The following DNAH1 variants were observed in gnomAD, a reference collection of about 807,000 sequenced individuals.
DNAH1 encodes the protein axonemal beta dynein heavy chain 1.
A neutral mutation model predicts 484.3 loss-of-function variants in DNAH1; 327 were observed. The ratio of observed to expected loss-of-function variants is 0.68; its 90% confidence interval spans 0.62 to 0.74. The LOEUF (loss-of-function observed/expected upper bound fraction) is 0.74, where lower values mean the gene tolerates loss of function less well. Among genes scored for constraint, DNAH1 ranks in the 30% least tolerant of loss-of-function variants. DNAH1 has a pLI of 0.00. For missense variants in DNAH1, 5,052 were observed against 5,546.8 expected (o/e 0.91, Z 2.83); for synonymous variants, 2,192 against 2,191.9 (o/e 1.00, Z 0.00).
rs951100284 is a variant in DNAH1, at chr3:52,397,800, G to A, written c.11881G>A (p.Glu3961Lys). ...DNANITFAQN[E>K]TFALLGTIIQ... is the part of the protein sequence containing the mutation. ...TGCCAACATCACCTTTGCCCAGAAC[G>A]AGACGTTCGCCCTCCTGGGCACCAT... is the stretch of plus-strand genomic sequence containing the variant. Residue 3961 changes from glutamate (E) to lysine (K), a missense_variant, in exon 74 of 78, where the codon GAG (glutamate) becomes AAG (lysine). Glu to Lys is a moderately conservative substitution (Grantham distance 56, BLOSUM62 1). Coordinates refer to ENST00000420323, the MANE Select transcript of DNAH1 (RefSeq NM_015512.5). 9 of 1,613,752 alleles carry A rather than the reference G, an allele frequency of 5.6e-6. No individual in the cohort carries two copies. The highest frequency in any genetic ancestry group is 2.2e-5 in the East Asian group (1 of 44,880).
At position 52,392,906 on chromosome 3, in the gene DNAH1, G is replaced by A. The variant is rs368444329; in HGVS notation, c.10355G>A (p.Arg3452His). ...TRMEYIPVAI[R>H]TQILFFCVSD... Reference sequence around the variant, plus strand: ...ATGGAGTACATACCCGTGGCCATCCGCACCCAGATCCTCTTCTTCTGTGTG... The same window carrying A: ...ATGGAGTACATACCCGTGGCCATCCACACCCAGATCCTCTTCTTCTGTGTG... Residue 3452 changes from arginine (R) to histidine (H), a missense_variant, in exon 65 of 78, where the codon CGC becomes CAC. By Grantham distance (29) the Arg-to-His change is conservative. This residue lies in a region of DNAH1 where 2,929 missense variants were observed against 3,409.4 expected (regional missense o/e 0.86). Coordinates refer to ENST00000420323, the MANE Select transcript of DNAH1 (RefSeq NM_015512.5). The A allele has an allele frequency of 2.6e-5, 42 of 1,610,966 alleles. No individual in the cohort carries two copies. Among genetic ancestry groups the A allele is most frequent in the Non-Finnish European group, 3.2e-5 (38 of 1,179,324 alleles).
At chr3:52,360,804 A>G (rs1702823233) in intron 28 of DNAH1, among the ~76,000 whole-genome samples, 1 of 152,200 alleles carries the variant, frequency 6.6e-6, no homozygotes, top group Non-Finnish European at 1.5e-5. Context: ...GAGAGACATC[A>G]TGGGTGAGCC....
chr3:52,392,588 C>A lies in DNAH1; in HGVS notation c.10177C>A (p.Gln3393Lys). 6.2e-7 allele frequency: 1 copy of A among 1,613,976 alleles called. No individual in the cohort carries two copies. Reference sequence around the variant, plus strand: ...CCAGGAGCTGAAGGACATTGAGGACCAGATCCTGTACCGGCTCAGCTCCTC... The same window carrying A: ...CCAGGAGCTGAAGGACATTGAGGACAAGATCCTGTACCGGCTCAGCTCCTC... ...MRQELKDIED[Q>K]ILYRLSSSEG... is the part of the protein sequence containing the mutation. The change falls in exon 64 of 78, where the codon CAG becomes AAG. Residue 3393 changes from glutamine (Q) to lysine (K), a missense_variant. Physicochemically the swap from Gln to Lys is moderately conservative, Grantham distance 53. This residue lies in a region of DNAH1 where 2,929 missense variants were observed against 3,409.4 expected (regional missense o/e 0.86). Transcript: ENST00000420323.
chr3:52,395,043 G>C lies in DNAH1; in HGVS notation c.10952G>C (p.Arg3651Pro). 1 of 1,609,496 alleles carries C rather than the reference G, an allele frequency of 6.2e-7. No individual in the cohort carries two copies. Among genetic ancestry groups the C allele is most frequent in the Non-Finnish European group, 8.5e-7 (1 of 1,177,944 alleles). ...QDFVATNLEP[R>P]FIEPQTANLS... The stretch of plus-strand genomic sequence containing the variant: ...TTTGTGGCCACCAACCTGGAGCCAC[G>C]CTTCATTGAACCCCAGGCAAGTGCT... Residue 3651 changes from arginine (R) to proline (P), a missense_variant, in exon 68 of 78, where the codon CGC (arginine) becomes CCC (proline). Arg to Pro is a moderately radical substitution (Grantham distance 103). Around this residue, in one of 4 missense-constraint regions of DNAH1, gnomAD observed 853 missense variants for 899.0 expected, o/e 0.95. Transcript: ENST00000420323. This position sits in a 1 kb window ranked among gnomAD's most constrained non-coding sequence, Gnocchi z 4.4.
At position 52,346,487 on chromosome 3, in the gene DNAH1, A is replaced by G. The variant is rs778780520; in HGVS notation, c.1672A>G (p.Lys558Glu). 2 of 1,611,138 alleles carry G rather than the reference A, an allele frequency of 1.2e-6. No individual in the cohort carries two copies. Among genetic ancestry groups the G allele is most frequent in the South Asian group, 2.2e-5 (2 of 90,616 alleles). ...GCCACTCTAGGTGCAGATGTTCCTCAAGGACAGCTGGATCAGCTCGCTAAA... is the reference window on the plus strand; with the variant it reads ...GCCACTCTAGGTGCAGATGTTCCTCGAGGACAGCTGGATCAGCTCGCTAAA... ...QTFSQVQMFL[K>E]DSWISSLKVA... is the part of the protein sequence containing the mutation. Residue 558 changes from lysine to glutamate, a missense_variant, in exon 11 of 78, where the codon AAG (lysine) becomes GAG (glutamate). By Grantham distance (56) the Lys-to-Glu change is moderately conservative. Coordinates refer to ENST00000420323, the MANE Select transcript of DNAH1 (RefSeq NM_015512.5).
chr3:52,313,850 G>A (rs773988832), upstream of DNAH1, among the ~76,000 whole-genome samples: 1 of 152,180 alleles, frequency 6.6e-6, no homozygotes, highest in Non-Finnish European at 1.5e-5. Context: ...TGACCCCACC[G>A]TGACACTGGG....
chr3:52,334,638 C>A (rs886120786), intron 8 of DNAH1, among the ~76,000 whole-genome samples: 11 of 151,726 alleles, frequency 7.2e-5, no homozygotes, highest in Non-Finnish European at 1.3e-4. Context: ...AAAAAAAATA[C>A]AAAAATTAGC....
upstream of DNAH1, among the ~76,000 whole-genome samples, chr3:52,314,372 G>A (rs1359830511): frequency 1.3e-5 from 2 of 152,210 alleles, no homozygotes; most frequent in African/African-American, 4.8e-5. Context: ...CTCCTGGAGC[G>A]CAGAGCCTCA....
At chr3:52,369,778 C>G (rs202124449) in intron 37 of DNAH1, 47 bp from the exon 38 acceptor site, 2 of 1,566,922 alleles carry the variant, frequency 1.3e-6, no homozygotes, top group Admixed American at 3.5e-5. Flanking sequence ...TTCTCCAGGC[C>G]TGAGGACTGG....
chr3:52,363,712 T>C (rs957946221), intron 32 of DNAH1, among the ~76,000 whole-genome samples: 1 of 152,208 alleles, frequency 6.6e-6, no homozygotes, highest in African/African-American at 2.4e-5. Flanking sequence ...ACTTAGTTTG[T>C]CTTCCATCAT....
At chr3:52,343,666 G>T (rs1334476242) in intron 8 of DNAH1, among the ~76,000 whole-genome samples, 2 of 152,180 alleles carry the variant, frequency 1.3e-5, no homozygotes, top group Admixed American at 1.3e-4. Context: ...AGATTCCCTT[G>T]TGGTGCCATT....
chr3:52,384,046 G>A lies in DNAH1; in HGVS notation c.8322+15G>A. 2 of 1,585,822 alleles carry A rather than the reference G, an allele frequency of 1.3e-6. No homozygotes were observed. Among genetic ancestry groups the A allele is most frequent in the Non-Finnish European group, 8.6e-7 (1 of 1,164,218 alleles). ...TCCAAGGACTGGTGGGTGTCTTGCT[G>A]AAGCTCAGGCCCTTGGGGAGACCTG... On this transcript the variant is annotated intron_variant, in intron 52 of 77. Transcript: ENST00000420323.
chr3:52,389,501 A>C lies in DNAH1; in HGVS notation c.9536A>C (p.Gln3179Pro), dbSNP rs1254282174. The C allele has an allele frequency of 6.2e-7, 1 of 1,603,270 alleles. No homozygotes were observed. Residue 3179 changes from glutamine (Q) to proline (P), a missense_variant, in exon 60 of 78, where the codon CAG (glutamine) becomes CCG (proline). Gln to Pro is a moderately conservative substitution (Grantham distance 76). Transcript: ENST00000420323. ...GTGCTCTACGACAGCTGGGTCAAGCAGCTCAGGAGCCACAATGTCCCACAC... is the reference window on the plus strand; with the variant it reads ...GTGCTCTACGACAGCTGGGTCAAGCCGCTCAGGAGCCACAATGTCCCACAC... ...RTVLYDSWVKQLRSHNVPHTS... is the reference protein window; with the variant it reads ...RTVLYDSWVKPLRSHNVPHTS...
chr3:52,395,160 G>T lies in DNAH1; in HGVS notation c.10968+101G>T. 2.0e-6 allele frequency: 3 copies of T among 1,507,354 alleles called. No homozygotes were observed. The highest frequency in any genetic ancestry group is 1.8e-6 in the Non-Finnish European group (2 of 1,121,924). The allele number at this position is 1,507,354 out of a possible 1,614,324, so 93.4% of individuals were successfully genotyped here. A position where few individuals can be genotyped will look rare whatever the true frequency, so the allele number is the denominator to read the frequency against. On this transcript the variant is annotated intron_variant, in intron 68 of 77. Coordinates refer to ENST00000420323, the MANE Select transcript of DNAH1 (RefSeq NM_015512.5). This position sits in a 1 kb window ranked among gnomAD's most constrained non-coding sequence, Gnocchi z 4.4. ...TGGATAGACTACTTGGCCAGGCCAGGACCCCTGCTTGCTCCCTAAAGGCTC... is the reference window on the plus strand; with the variant it reads ...TGGATAGACTACTTGGCCAGGCCAGTACCCCTGCTTGCTCCCTAAAGGCTC...
At chr3:52,377,716 C>A (rs919852866) in intron 46 of DNAH1, among the ~76,000 whole-genome samples, 4 of 150,972 alleles carry the variant, frequency 2.6e-5, no homozygotes, top group Non-Finnish European at 4.4e-5. Flanking sequence ...CAATTTTTCT[C>A]CAGTTATGTG....
At position 52,388,238 on chromosome 3, in the gene DNAH1, C is replaced by A; in HGVS notation, c.9075C>A (p.Thr3025=). 1 of 1,606,990 alleles carries A rather than the reference C, an allele frequency of 6.2e-7. No homozygotes were observed. Among genetic ancestry groups the A allele is most frequent in the East Asian group, 2.2e-5 (1 of 44,618 alleles). The change falls in exon 57 of 78, where the codon ACC becomes ACA. Residue 3025 remains threonine, a synonymous_variant. Transcript: ENST00000420323. ...YIDNEEFQPA[T]IAKVSKACTS... Reference sequence around the variant, plus strand: ...ATAATGAAGAGTTCCAGCCAGCCACCATTGCCAAGGTGTCCAAGGCTTGCA... The same window carrying A: ...ATAATGAAGAGTTCCAGCCAGCCACAATTGCCAAGGTGTCCAAGGCTTGCA...
rs779741359 is a variant in DNAH1 at position 52,381,893 on chromosome 3, G to C, written c.7805+57G>C. 3 of 1,513,170 alleles carry C rather than the reference G, an allele frequency of 2.0e-6. No homozygotes were observed. The highest frequency in any genetic ancestry group is 4.0e-5 in the Admixed American group (2 of 49,704). The allele number at this position is 1,513,170 out of a possible 1,614,324, so 93.7% of individuals were successfully genotyped here. A position where few individuals can be genotyped will look rare whatever the true frequency, so the allele number is the denominator to read the frequency against. On this transcript the variant is annotated intron_variant, in intron 49 of 77. Coordinates refer to ENST00000420323, the MANE Select transcript of DNAH1 (RefSeq NM_015512.5). The surrounding 1 kb of genome is among the most constrained non-coding windows in gnomAD (Gnocchi z 4.1). ...GCGGCCAGGGCTGGCTGGTCGGTTT[G>C]ACTGACCCATGCTTTTGCACAGTGG... is the stretch of plus-strand genomic sequence containing the variant.
Position 52,398,039 on chromosome 3 carries a change from A to C in DNAH1, c.11966A>C (p.Glu3989Ala). 1.2e-6 allele frequency: 2 copies of C among 1,613,504 alleles called. No individual in the cohort carries two copies. Among genetic ancestry groups the C allele is most frequent in the Admixed American group, 1.7e-5 (1 of 59,964 alleles). Residue 3989 changes from glutamate (E) to alanine (A), a missense_variant, in exon 75 of 78, where the codon GAG becomes GCG. Physicochemically the swap from Glu to Ala is moderately radical, Grantham distance 107 (BLOSUM62 -1). Coordinates refer to ENST00000420323, the MANE Select transcript of DNAH1 (RefSeq NM_015512.5). ...ATTCCTTTGCCCCTGCAGATAGTGG[A>C]GGACGTCACCCAAAACATTCTGCTC... ...AGSQGREEIV[E>A]DVTQNILLKV... is the part of the protein sequence containing the mutation.
intron 11 of DNAH1, among the ~76,000 whole-genome samples, chr3:52,347,109 G>A (rs1005528271): frequency 1.3e-5 from 2 of 152,214 alleles, no homozygotes; most frequent in African/African-American, 4.8e-5. Flanking sequence ...CATACACACA[G>A]TCATTGCCGG....
Sources: gnomAD v4.1 joint callset for allele counts (sites outside exome capture counted in the v4.1 genomes callset) on GRCh38, gnomAD v4.1.1 for gene constraint, gnomAD v4.1.1 regional missense constraint, Gnocchi (gnomAD v3.1) non-coding constraint, MANE v1.5 for transcripts, NCBI Gene and HGNC (gene_info 2026-07-23, HGNC 2026-07-21) for gene names.